The following POLR3G variants were observed in gnomAD, a reference collection of about 807,000 sequenced individuals.
POLR3G encodes DNA-directed RNA polymerase III subunit RPC7.
Under a neutral mutation model 30.1 loss-of-function variants are expected in POLR3G, and 28 were observed. The observed-to-expected ratio is 0.93, with a 90% CI of 0.69 to 1.27. The LOEUF is 1.27. POLR3G is among the 50% of genes most tolerant of loss of function. The pLI is 0.00. For missense variants in POLR3G, 254 were observed against 264.6 expected (o/e 0.96, Z 0.28); for synonymous variants, 79 against 82.5 (o/e 0.96, Z 0.23).
At chr5:90,484,843 C>A (rs1481201731) in intron 1 of POLR3G, among the ~76,000 whole-genome samples, 2 of 152,184 alleles carry the variant, frequency 1.3e-5, no homozygotes, top group African/African-American at 2.4e-5. Context: ...ATTGAAAGAA[C>A]TCTAGCGTAG....
At chr5:90,497,805 T>C in intron 5 of POLR3G, 99 bp downstream of exon 5, 1 of 1,367,364 alleles carries the variant, frequency 7.3e-7, no homozygotes, top group Non-Finnish European at 9.8e-7. Context: ...TCACTGTTCT[T>C]AATGCTTTTC....
chr5:90,497,767 A>C, intron 5 of POLR3G, 61 bp downstream of exon 5: 1 of 1,543,688 alleles, frequency 6.5e-7, no homozygotes, highest in Non-Finnish European at 8.7e-7. Flanking sequence ...CATTCTGTTA[A>C]TATGGATTTG....
At chr5:90,511,299 T>A (rs1263994863) in intron 7 of POLR3G, among the ~76,000 whole-genome samples, 5 of 151,788 alleles carry the variant, frequency 3.3e-5, no homozygotes, top group African/African-American at 1.2e-4. Flanking sequence ...TCATCAAATA[T>A]CTGGCCAGTA....
intron 7 of POLR3G, among the ~76,000 whole-genome samples, chr5:90,510,884 CTT>C (rs1191983677): frequency 6.8e-6 from 1 of 146,628 alleles, no homozygotes; most frequent in African/African-American, 2.5e-5. Context: ...AAAAAAAAAA[CTT>C]TGGAAAAAAA....
chr5:90,476,878 G>A (rs1414976343), intron 1 of POLR3G, among the ~76,000 whole-genome samples: 3 of 152,082 alleles, frequency 2.0e-5, no homozygotes, highest in African/African-American at 4.8e-5. Flanking sequence ...CATGTTTCCT[G>A]TCTTTATTTT....
chr5:90,507,344 A>G (rs1752533957), intron 7 of POLR3G, among the ~76,000 whole-genome samples: 1 of 152,290 alleles, frequency 6.6e-6, no homozygotes, highest in South Asian at 2.1e-4. Flanking sequence ...TCAGCCTCTT[A>G]TACCACATTC....
chr5:90,486,614 A>G (rs1751452171), intron 2 of POLR3G, among the ~76,000 whole-genome samples: 1 of 152,104 alleles, frequency 6.6e-6, no homozygotes, highest in Non-Finnish European at 1.5e-5. Flanking sequence ...TTCTCTTTGC[A>G]TGGATGGCTC....
At chr5:90,493,710 T>G (rs1751851417) in intron 3 of POLR3G, among the ~76,000 whole-genome samples, 1 of 60,788 alleles carries the variant, frequency 1.6e-5, no homozygotes, top group African/African-American at 9.8e-5. Flanking sequence ...TTTTTTTTTT[T>G]TTTTTTTTTT....
intron 3 of POLR3G, 85 bp downstream of exon 3, chr5:90,488,214 T>C (rs1226494467): frequency 8.6e-7 from 1 of 1,161,066 alleles, no homozygotes; most frequent in Non-Finnish European, 1.1e-6. Context: ...TCATTTAATG[T>C]TGATTGATTC....
chr5:90,500,265 G>A (rs1235930483), intron 5 of POLR3G, among the ~76,000 whole-genome samples: 2 of 152,002 alleles, frequency 1.3e-5, no homozygotes, highest in Non-Finnish European at 2.9e-5. Context: ...TAACAACAGA[G>A]TCAAAGGCTG....
At chr5:90,493,698 TTTTTTTTTTTTTTTTTTTTTTTTTTTG>T (rs1249975423) in intron 3 of POLR3G, among the ~76,000 whole-genome samples, 6 of 38,692 alleles carry the variant, frequency 1.6e-4, no homozygotes, top group African/African-American at 8.2e-4. Context: ...TTTTTTTTTT[TTTTTTTTTTTTTTTTTTTTTTTTTTTG>T]AGACAAGAGT....
chr5:90,475,505 A>G (rs1423597987), intron 1 of POLR3G, among the ~76,000 whole-genome samples: 1 of 150,674 alleles, frequency 6.6e-6, no homozygotes, highest in African/African-American at 2.4e-5. Flanking sequence ...TTATTTATTT[A>G]TTTATTTTGG....
intron 5 of POLR3G, among the ~76,000 whole-genome samples, chr5:90,501,693 A>G (rs1458131990): frequency 6.6e-6 from 1 of 152,214 alleles, no homozygotes; most frequent in African/African-American, 2.4e-5. Context: ...CTTAAAAAAA[A>G]AAATCCTACT....
chr5:90,506,948 T>G (rs957501443), intron 7 of POLR3G, among the ~76,000 whole-genome samples: 1 of 152,192 alleles, frequency 6.6e-6, no homozygotes, highest in Non-Finnish European at 1.5e-5. Flanking sequence ...TTAAGGAGAT[T>G]GATCAGATTA....
At chr5:90,485,194 C>T (rs184993733) in intron 1 of POLR3G, among the ~76,000 whole-genome samples, 2 of 152,264 alleles carry the variant, frequency 1.3e-5, no homozygotes, top group East Asian at 3.9e-4. Flanking sequence ...ATTTCTTCTC[C>T]TCATCAGCCT....
upstream of POLR3G, chr5:90,474,367 C>T: frequency 7.3e-7 from 1 of 1,373,854 alleles, no homozygotes; most frequent in Non-Finnish European, 1.0e-6. Context: ...ACACAGGGCA[C>T]TGCGGCTGTG....
At chr5:90,495,577 A>G in intron 3 of POLR3G, 100 bp from the exon 4 acceptor site, 1 of 1,485,756 alleles carries the variant, frequency 6.7e-7, no homozygotes, top group Non-Finnish European at 9.0e-7. Context: ...ATGTAAAATT[A>G]AAAATGTTGT....
chr5:90,502,110 G>A (rs1410447512), intron 6 of POLR3G, 122 bp downstream of exon 6: 20 of 1,469,190 alleles, frequency 1.4e-5, no homozygotes, highest in East Asian at 2.5e-5. Context: ...TGGCAGAAGC[G>A]AGCCCAACAT....
intron 1 of POLR3G, among the ~76,000 whole-genome samples, chr5:90,477,882 C>T (rs1478129631): frequency 6.6e-6 from 1 of 152,120 alleles, no homozygotes; most frequent in Non-Finnish European, 1.5e-5. Flanking sequence ...GTTTAAATAC[C>T]CTCTAGGGGT....
Sources: gnomAD v4.1 joint callset for allele counts (sites outside exome capture counted in the v4.1 genomes callset) on GRCh38, gnomAD v4.1.1 for gene constraint, MANE v1.5 for transcripts, NCBI Gene and HGNC (gene_info 2026-07-23, HGNC 2026-07-21) for gene names.